SLC44A1: variants seen among roughly 807,000 people sequenced by gnomAD.
The protein encoded by SLC44A1 is solute carrier family 44 member 1, also known as choline transporter-like protein 1.
In SLC44A1, 26 loss-of-function variants were observed where a neutral mutation model predicts 79.3. The observed-to-expected ratio is 0.33, with a 90% confidence interval of 0.24 to 0.46. The LOEUF is 0.46. SLC44A1 is among the 20% of genes least tolerant of loss of function. The pLI is 1.00. For missense variants in SLC44A1, 688 were observed against 798.1 expected, an observed-to-expected ratio of 0.86 and a Z score of 1.66; for synonymous variants, 263 against 286.2, an observed-to-expected ratio of 0.92 and a Z score of 0.82.
chr9:105,260,856 C>G (rs896327892), intron 1 of SLC44A1, among the ~76,000 whole-genome samples: 1 of 152,074 alleles, frequency 6.6e-6, no homozygotes, highest in South Asian at 2.1e-4. Flanking sequence ...AATGACCATT[C>G]GGAGATGGAA....
At position 105,249,593 on chromosome 9, in the gene SLC44A1, C is replaced by T. The variant is rs573958316; in HGVS notation, c.36+4689C>T. ...AGGCTGGAGTGTGGTGGCATAATCTCGGTTCACTGCAACCTCTGCCTCCCG... is the reference window on the plus strand; with the variant it reads ...AGGCTGGAGTGTGGTGGCATAATCTTGGTTCACTGCAACCTCTGCCTCCCG... On this transcript the variant is annotated intron_variant, in intron 1 of 15. Coordinates refer to ENST00000374720, the MANE Select transcript of SLC44A1 (RefSeq NM_080546.5). Among the ~76,000 whole-genome samples the T allele has an allele frequency of 4.0e-5, 6 of 150,726 alleles. No homozygotes were observed. The East Asian group carries it at 7.8e-4, about 20-fold the overall frequency.
At chr9:105,351,632 G>GAGAGAGAA (rs1554797207) in intron 5 of SLC44A1, among the ~76,000 whole-genome samples, 7 of 101,358 alleles carry the variant, frequency 6.9e-5, no homozygotes, top group African/African-American at 2.9e-4. Context: ...GAGAGAGAAA[G>GAGAGAGAA]AGAAAGAAAG....
chr9:105,369,687 C>T (rs913692225), intron 12 of SLC44A1, among the ~76,000 whole-genome samples: 3 of 152,166 alleles, frequency 2.0e-5, no homozygotes, highest in Non-Finnish European at 4.4e-5. Context: ...TATTGTGTAG[C>T]TTGCCCCTAT....
At chr9:105,372,949 C>CAA (rs1276208690) in intron 12 of SLC44A1, among the ~76,000 whole-genome samples, 16 of 84,650 alleles carry the variant, frequency 1.9e-4, no homozygotes, top group Middle Eastern at 7.6e-3. Flanking sequence ...GACTCCGTCT[C>CAA]AAAAAAAAAA....
intron 5 of SLC44A1, among the ~76,000 whole-genome samples, chr9:105,348,754 G>C (rs1827315831): frequency 6.6e-6 from 1 of 151,992 alleles, no homozygotes; most frequent in African/African-American, 2.4e-5. Flanking sequence ...CTGAACTGCT[G>C]TAAAATCTGC....
intron 15 of SLC44A1, among the ~76,000 whole-genome samples, chr9:105,417,306 T>A (rs1199010468): frequency 1.3e-5 from 2 of 152,212 alleles, no homozygotes; most frequent in African/African-American, 4.8e-5. Context: ...CCATGTTGCC[T>A]TTCACAACAG....
intron 4 of SLC44A1, among the ~76,000 whole-genome samples, chr9:105,343,461 T>C (rs1490708722): frequency 2.0e-5 from 3 of 152,214 alleles, no homozygotes; most frequent in African/African-American, 7.2e-5. Context: ...TCAGTATCAA[T>C]AGATGATCAG....
At chr9:105,404,441 A>G (rs1247575744) in intron 15 of SLC44A1, among the ~76,000 whole-genome samples, 2 of 152,188 alleles carry the variant, frequency 1.3e-5, no homozygotes, top group Non-Finnish European at 2.9e-5. Context: ...GAACCACTTT[A>G]AGATGAAGCC....
At chr9:105,374,158 T>C (rs529506918) in intron 12 of SLC44A1, among the ~76,000 whole-genome samples, 3 of 152,238 alleles carry the variant, frequency 2.0e-5, no homozygotes, top group East Asian at 3.9e-4. Context: ...AAGGAGGAGA[T>C]AGTGGATAGT....
rs1326143499 is a variant in SLC44A1 at position 105,392,371 on chromosome 9, T to G, written c.*3315T>G. ...TTTTAAAGTTATGCTAGAAATGTTT[T>G]TCTTTTGTAGAGATGCTCTCTCTCT... On this transcript the variant is annotated 3_prime_UTR_variant, in exon 16 of 16. Coordinates refer to ENST00000374720, the MANE Select transcript of SLC44A1 (RefSeq NM_080546.5). 1.0e-6 allele frequency: 1 copy of G among 982,260 alleles called. No individual in the cohort carries two copies. Among genetic ancestry groups the G allele is most frequent in the African/African-American group, 1.8e-5 (1 of 57,004 alleles). The allele number at this position is 982,260 out of a possible 1,614,324, so 60.8% of individuals were successfully genotyped here. A position where few individuals can be genotyped will look rare whatever the true frequency, so the allele number is the denominator to read the frequency against.
chr9:105,388,666 T>G (rs1828689297), intron 15 of SLC44A1, among the ~76,000 whole-genome samples: 1 of 152,224 alleles, frequency 6.6e-6, no homozygotes, highest in African/African-American at 2.4e-5. Flanking sequence ...AATTTTTTTA[T>G]GATTCTCTGA....
At chr9:105,309,989 T>A in intron 3 of SLC44A1, 123 bp downstream of exon 3, 1 of 1,018,930 alleles carries the variant, frequency 9.8e-7, no homozygotes, top group African/African-American at 1.6e-5. Context: ...TGACTTCTGT[T>A]GGTGTGTTTG....
In SLC44A1 at chr9:105,281,135, G is replaced by A. The variant is rs116017130; in HGVS notation, c.37-18085G>A. On this transcript the variant is annotated intron_variant, in intron 1 of 15. Transcript: ENST00000374720. ...AGAGCACCTTGAGGGAGCTGGACCT[G>A]TAGATGCTCTCAGTAGAGAAATCCC... Among the ~76,000 whole-genome samples the A allele has an allele frequency of 5.3e-3, 808 of 152,336 alleles. 11 individuals are homozygous for A. The highest frequency in any genetic ancestry group is 0.018 in the African/African-American group (769 of 41,574).
At chr9:105,404,003 C>T (rs1828995090) in intron 15 of SLC44A1, among the ~76,000 whole-genome samples, 1 of 151,644 alleles carries the variant, frequency 6.6e-6, no homozygotes, top group Non-Finnish European at 1.5e-5. Context: ...ATTACCCTGA[C>T]AACAGTGGGG....
At position 105,308,790 on chromosome 9, in the gene SLC44A1, T is replaced by G. The variant is rs556949581; in HGVS notation, c.127-934T>G. Among the ~76,000 whole-genome samples, 249 of 152,324 alleles carry G rather than the reference T, an allele frequency of 1.6e-3. No homozygotes were observed. The Middle Eastern group carries it at 0.02, about 12-fold the overall frequency. The stretch of plus-strand genomic sequence containing the variant: ...TAATAAAAATGTAACCTTTTAACGA[T>G]CAGATTGCAAGAATAGTTCTTAACC... On this transcript the variant is annotated intron_variant, in intron 2 of 15. Coordinates refer to ENST00000374720, the MANE Select transcript of SLC44A1 (RefSeq NM_080546.5).
At chr9:105,289,870 A>G (rs1338736426) in intron 1 of SLC44A1, among the ~76,000 whole-genome samples, 8 of 151,046 alleles carry the variant, frequency 5.3e-5, no homozygotes, top group Admixed American at 2.6e-4. Flanking sequence ...CTGGAGTGCA[A>G]TGGTGGAATA....
At chr9:105,262,714 T>C (rs780525870) in intron 1 of SLC44A1, among the ~76,000 whole-genome samples, 1 of 152,162 alleles carries the variant, frequency 6.6e-6, no homozygotes, top group Non-Finnish European at 1.5e-5. Flanking sequence ...TGTTTAGTGT[T>C]CCATGGCCAT....
At chr9:105,332,740 G>A (rs192230943) in intron 3 of SLC44A1, among the ~76,000 whole-genome samples, 1 of 152,128 alleles carries the variant, frequency 6.6e-6, no homozygotes, top group Admixed American at 6.5e-5. Context: ...AATGAAAACC[G>A]AATGTTAGTA....
rs1445945145 is a variant in SLC44A1, at chr9:105,393,245, T to G, written c.*4189T>G. ...TATCTTTGTGTGCTAAGAATGCATG[T>G]TAGCCCTTTTGAAAAGTAGGCACTA... is the stretch of plus-strand genomic sequence containing the variant. On this transcript the variant is annotated 3_prime_UTR_variant, in exon 16 of 16. Coordinates refer to ENST00000374720, the MANE Select transcript of SLC44A1 (RefSeq NM_080546.5). 2.0e-6 allele frequency: 2 copies of G among 985,330 alleles called. No individual in the cohort carries two copies. Among genetic ancestry groups the G allele is most frequent in the African/African-American group, 3.5e-5 (2 of 57,254 alleles). The allele number at this position is 985,330 out of a possible 1,614,324, so 61.0% of individuals were successfully genotyped here.
Sources: gnomAD v4.1 joint callset for allele counts (sites outside exome capture counted in the v4.1 genomes callset) on GRCh38, gnomAD v4.1.1 for gene constraint, MANE v1.5 for transcripts, NCBI Gene and HGNC (gene_info 2026-07-23, HGNC 2026-07-21) for gene names.